DST: variants seen among roughly 807,000 people sequenced by gnomAD.
DST encodes the protein bullous pemphigoid antigen.
Under a neutral mutation model 875.2 loss-of-function variants are expected in DST, and 253 were observed. That is an observed-to-expected ratio of 0.29 (90% CI 0.26 to 0.32). The LOEUF (loss-of-function observed/expected upper bound fraction) is 0.32, where lower values mean the gene tolerates loss of function less well. DST is among the 10% of genes least tolerant of loss of function. The pLI, the probability that DST is intolerant of heterozygous loss-of-function variation, is 1.00. For missense variants in DST, 8,287 were observed against 9,111.6 expected, an observed-to-expected ratio of 0.91 and a Z score of 3.68; for synonymous variants, 3,124 against 3,197.1, an observed-to-expected ratio of 0.98 and a Z score of 0.77.
intron 53 of DST, among the ~76,000 whole-genome samples, chr6:56,571,130 G>C (rs1022852533): frequency 6.6e-5 from 10 of 152,206 alleles, no homozygotes; most frequent in African/African-American, 1.9e-4. Context: ...GCACCACGGA[G>C]GCAGTGCACA....
chr6:56,518,726 C>T (rs1174557078), intron 69 of DST, among the ~76,000 whole-genome samples: 2 of 152,106 alleles, frequency 1.3e-5, no homozygotes. Flanking sequence ...TGTGACACCA[C>T]AGTACCAACC....
Position 56,871,636 on chromosome 6 carries a change from T to G in DST, c.418-20032A>C, listed in dbSNP as rs573283500. 4.0e-6 allele frequency: 3 copies of G among 751,574 alleles called. No homozygotes were observed. The East Asian group carries it at 7.5e-5, about 19-fold the overall frequency. The allele number at this position is 751,574 out of a possible 1,614,324, so 46.6% of individuals were successfully genotyped here. On this transcript the variant is annotated intron_variant, in intron 3 of 103. Coordinates refer to ENST00000680361, the MANE Select transcript of DST (RefSeq NM_001374736.1). ...AGCTCTCTCTGCCACATCGAGATGA[T>G]CCTTACTGAAAAGGAACAAATTGTT...
chr6:56,858,680 T>G (rs1014254487), intron 3 of DST, among the ~76,000 whole-genome samples: 5 of 152,154 alleles, frequency 3.3e-5, no homozygotes, highest in African/African-American at 1.2e-4. Flanking sequence ...ACATGTTAAT[T>G]TCAGTTCCCA....
intron 34 of DST, 86 bp downstream of exon 34, chr6:56,627,118 G>C (rs1180262735): frequency 9.9e-7 from 1 of 1,006,448 alleles, no homozygotes; most frequent in Non-Finnish European, 1.6e-6. Context: ...TAAACACTGA[G>C]TGAAATGACT....
intron 49 of DST, among the ~76,000 whole-genome samples, chr6:56,589,090 G>A (rs1419546440): frequency 2.6e-5 from 4 of 152,204 alleles, no homozygotes; most frequent in African/African-American, 7.2e-5. Flanking sequence ...CAAGGGCAGA[G>A]ACAGGGTTTT....
chr6:56,618,667 G>A (rs1394164182), intron 36 of DST: 2 of 1,613,692 alleles, frequency 1.2e-6, no homozygotes, highest in Non-Finnish European at 1.7e-6. Context: ...CATTTTCTTG[G>A]GCTCTAGAGT....
At chr6:56,635,355 G>GCACACA (rs541249771) in intron 24 of DST, among the ~76,000 whole-genome samples, 1 of 150,712 alleles carries the variant, frequency 6.6e-6, no homozygotes, top group African/African-American at 2.4e-5. Context: ...ACACACACGT[G>GCACACA]CACACACACA....
intron 53 of DST, among the ~76,000 whole-genome samples, chr6:56,571,537 G>C (rs9475724): frequency 6.6e-6 from 1 of 151,946 alleles, no homozygotes; most frequent in African/African-American, 2.4e-5. Context: ...CTAAACTAAC[G>C]TGAGATCAGA....
At chr6:56,795,573 G>A (rs1590602449) in intron 4 of DST, among the ~76,000 whole-genome samples, 1 of 152,226 alleles carries the variant, frequency 6.6e-6, no homozygotes, top group East Asian at 1.9e-4. Flanking sequence ...CTCAACTCTG[G>A]CTACATCTTA....
chr6:56,505,196 T>C (rs558968230), intron 77 of DST, among the ~76,000 whole-genome samples: 1 of 152,260 alleles, frequency 6.6e-6, no homozygotes, highest in East Asian at 1.9e-4. Flanking sequence ...TGTAGCTACT[T>C]AATAAATCAA....
At chr6:56,782,452 G>T (rs2099696055) in intron 4 of DST, among the ~76,000 whole-genome samples, 1 of 148,238 alleles carries the variant, frequency 6.7e-6, no homozygotes, top group East Asian at 1.9e-4. Context: ...TTAGTCTTGG[G>T]AGAGTGCATG....
In DST at chr6:56,651,171, C is replaced by T; in HGVS notation, c.1288G>A (p.Ala430Thr). 6.2e-7 allele frequency: 1 copy of T among 1,612,704 alleles called. No individual in the cohort carries two copies. ...LANLEHAFYV[A>T]EKIGVIRLLD... Reference sequence around the variant, plus strand: ...AGTCTTATAACACCAATTTTTTCTGCTACGTAAAAAGCATGCTCTAAATTT... The same window carrying T: ...AGTCTTATAACACCAATTTTTTCTGTTACGTAAAAAGCATGCTCTAAATTT... The change falls in exon 11 of 104, where the codon GCA (alanine) becomes ACA (threonine). Residue 430 changes from alanine (A) to threonine (T), a missense_variant. Physicochemically the swap from Ala to Thr is moderately conservative, Grantham distance 58. Around this residue, in one of 10 missense-constraint regions of DST, gnomAD observed 1,160 missense variants for 1,424.3 expected, o/e 0.81. Transcript: ENST00000680361.
chr6:56,693,086 T>C (rs773195217), intron 9 of DST: 1 of 1,289,556 alleles, frequency 7.8e-7, no homozygotes, highest in South Asian at 1.2e-5. Context: ...TTCAAAGGAG[T>C]TTTGGCAGGA....
chr6:56,539,922 A>G (rs1225470815), intron 61 of DST, among the ~76,000 whole-genome samples: 1 of 152,194 alleles, frequency 6.6e-6, no homozygotes, highest in African/African-American at 2.4e-5. Flanking sequence ...TAAATCCAAT[A>G]TAATGGCTCT....
intron 78 of DST, among the ~76,000 whole-genome samples, chr6:56,502,051 A>G (rs1030492624): frequency 6.6e-6 from 1 of 152,136 alleles, no homozygotes; most frequent in Non-Finnish European, 1.5e-5. Flanking sequence ...ACATATGTTG[A>G]CACATATGAA....
intron 4 of DST, among the ~76,000 whole-genome samples, chr6:56,836,720 G>A (rs2099793995): frequency 1.3e-5 from 2 of 151,094 alleles, no homozygotes; most frequent in African/African-American, 2.4e-5. Context: ...GCGTGATGGC[G>A]GGCGCCTGTA....
At chr6:56,618,927 G>C (rs746508309) in intron 36 of DST, 1 of 1,614,120 alleles carries the variant, frequency 6.2e-7, no homozygotes. Context: ...TGTTGTAGCT[G>C]AACTTTCTGC....
chr6:56,866,397 C>A (rs562495439), intron 3 of DST, among the ~76,000 whole-genome samples: 1 of 152,318 alleles, frequency 6.6e-6, no homozygotes, highest in Admixed American at 6.5e-5. Flanking sequence ...TTGTCCTCAA[C>A]GATCTATTCT....
intron 7 of DST, among the ~76,000 whole-genome samples, chr6:56,702,238 T>C (rs1171010383): frequency 1.3e-5 from 2 of 152,168 alleles, no homozygotes; most frequent in Admixed American, 1.3e-4. Flanking sequence ...TGTTACAGAA[T>C]ATACAGACAC....
Sources: gnomAD v4.1 joint callset for allele counts (sites outside exome capture counted in the v4.1 genomes callset) on GRCh38, gnomAD v4.1.1 for gene constraint, gnomAD v4.1.1 regional missense constraint, MANE v1.5 for transcripts, NCBI Gene and HGNC (gene_info 2026-07-23, HGNC 2026-07-21) for gene names.